Variants in SMIM24 observed in about 807,000 individuals in gnomAD.
SMIM24 encodes the protein MAP17-related dimer.
SMIM24 carries 6 observed loss-of-function variants against 10.8 expected under a neutral mutation model. That is an observed-to-expected ratio of 0.55 (90% CI 0.30 to 1.09). SMIM24 has a LOEUF of 1.09. Among genes scored for constraint, SMIM24 ranks in the 50% least tolerant of loss-of-function variants. The pLI is 0.06. For synonymous variants in SMIM24, 71 were observed against 62.4 expected, an observed-to-expected ratio of 1.14 and a Z score of -0.65; for missense variants, 151 against 153.4, an observed-to-expected ratio of 0.98 and a Z score of 0.08.
At position 3,480,466 on chromosome 19, in the gene SMIM24, C is replaced by G; in HGVS notation, c.-3G>C. 6.5e-7 allele frequency: 1 copy of G among 1,548,518 alleles called. No homozygotes were observed. Among genetic ancestry groups the G allele is most frequent in the East Asian group, 2.5e-5 (1 of 40,810 alleles). Reference sequence around the variant, plus strand: ...AGAAGGGCCCCCAGGGTCTCCATGACGGTCGAGTGAGCCAGCAGCCAGCCA... The same window carrying G: ...AGAAGGGCCCCCAGGGTCTCCATGAGGGTCGAGTGAGCCAGCAGCCAGCCA... On this transcript the variant is annotated 5_prime_UTR_variant, in exon 1 of 4. Transcript: ENST00000215531.
intron 3 of SMIM24, among the ~76,000 whole-genome samples, chr19:3,477,075 G>C (rs1476477190): frequency 3.1e-5 from 4 of 127,728 alleles, no homozygotes; most frequent in African/African-American, 1.1e-4. Flanking sequence ...GGGGGTGGGT[G>C]AGTGAATAGA....
rs569854880 is a variant in SMIM24, at chr19:3,479,771, T to C, written c.67+626A>G. Among the ~76,000 whole-genome samples, 8 of 105,932 alleles carry C rather than the reference T, an allele frequency of 7.6e-5. No individual in the cohort carries two copies. The South Asian group carries it at 2.9e-3, about 38-fold the overall frequency. The allele number at this position is 105,932 out of a possible 152,430, so 69.5% of individuals were successfully genotyped here. ...GAGGCAGAGGCTCAGGGGGAGGGGC[T>C]TATAAAGAAGGAGGAGCTCAGAGGG... is the stretch of plus-strand genomic sequence containing the variant. On this transcript the variant is annotated intron_variant, in intron 1 of 3. Transcript: ENST00000215531.
chr19:3,480,200 G>A (rs1338769074), intron 1 of SMIM24, among the ~76,000 whole-genome samples, 197 bp downstream of exon 1: 2 of 151,850 alleles, frequency 1.3e-5, no homozygotes, highest in Non-Finnish European at 2.9e-5. Flanking sequence ...GGGCGGTGGG[G>A]GGTCCCTTAC....
At chr19:3,480,339 T>G in intron 1 of SMIM24, 58 bp downstream of exon 1, 2 of 1,395,112 alleles carry the variant, frequency 1.4e-6, no homozygotes, top group Non-Finnish European at 1.9e-6. Context: ...TGGGAGATGG[T>G]GATCACCTGA....
chr19:3,478,952 G>A (rs969472286), intron 1 of SMIM24, 23 bp from the exon 2 acceptor site: 16 of 1,538,412 alleles, frequency 1.0e-5, no homozygotes, highest in Non-Finnish European at 1.3e-5. Context: ...GGGGAGGTTC[G>A]ACTCAGAGGA....
rs1568216336 is a variant in SMIM24 at position 3,480,493 on chromosome 19, C to CG, written c.-31dup. On this transcript the variant is annotated 5_prime_UTR_variant, in exon 1 of 4. Coordinates refer to ENST00000215531, the MANE Select transcript of SMIM24 (RefSeq NM_001136503.2). ...GTCGAGTGAGCCAGCAGCCAGCCAGCGGCGGTCCCGGGTCGGCGTCCACAG... is the reference window on the plus strand; with the variant it reads ...GTCGAGTGAGCCAGCAGCCAGCCAGCGGGCGGTCCCGGGTCGGCGTCCACAG... 6.5e-7 allele frequency: 1 copy of CG among 1,546,660 alleles called. No individual in the cohort carries two copies. Among genetic ancestry groups the CG allele is most frequent in the Admixed American group, 2.0e-5 (1 of 50,786 alleles).
Position 3,478,844 on chromosome 19 carries a change from G to A in SMIM24, c.153C>T (p.Ala51=), listed in dbSNP as rs2082804393. The part of the protein sequence containing the change: ...FLFIVYLVLL[A]NRLWCSKARA... ...TGGCCTTGGAACACCAGAGGCGGTT[G>A]GCCAGCAAGACCAAATAGACGATGA... The change falls in exon 2 of 4, where the codon GCC becomes GCT. Residue 51 remains alanine, a synonymous_variant. Coordinates refer to ENST00000215531, the MANE Select transcript of SMIM24 (RefSeq NM_001136503.2). 2.6e-6 allele frequency: 4 copies of A among 1,549,616 alleles called. No homozygotes were observed. In the African/African-American group the frequency reaches 4.1e-5, roughly 16 times the overall value.
intron 3 of SMIM24, among the ~76,000 whole-genome samples, chr19:3,476,496 G>C (rs575663295): frequency 1.3e-5 from 2 of 151,764 alleles, no homozygotes; most frequent in East Asian, 3.9e-4. Context: ...GATTGAACAA[G>C]GCAGAAAGGA....
In SMIM24 at chr19:3,478,832, C is replaced by A; in HGVS notation, c.165G>T (p.Trp55Cys). Residue 55 changes from tryptophan to cysteine, a missense_variant, in exon 2 of 4, where the codon TGG (tryptophan) becomes TGT (cysteine). Physicochemically the swap from Trp to Cys is radical, Grantham distance 215 (BLOSUM62 -2). Transcript: ENST00000215531. ...CGGGCACCCACCTGGCCTTGGAACA[C>A]CAGAGGCGGTTGGCCAGCAAGACCA... ...VYLVLLANRL[W>C]CSKARAEDEE... 1 of 1,549,180 alleles carries A rather than the reference C, an allele frequency of 6.5e-7. No individual in the cohort carries two copies. Among genetic ancestry groups the A allele is most frequent in the African/African-American group, 1.4e-5 (1 of 72,940 alleles).
chr19:3,479,241 C>G (rs2082806587), intron 1 of SMIM24, among the ~76,000 whole-genome samples: 1 of 144,348 alleles, frequency 6.9e-6, no homozygotes, highest in African/African-American at 2.6e-5. Context: ...GCTTATAATG[C>G]AGGCAGAGGC....
chr19:3,475,047 A>G, intron 3 of SMIM24, 51 bp from the exon 4 acceptor site: 1 of 1,532,160 alleles, frequency 6.5e-7, no homozygotes, highest in Non-Finnish European at 8.8e-7. Context: ...AGACACTCCT[A>G]TTTAATGGCC....
At chr19:3,478,988 C>T in intron 1 of SMIM24, 59 bp from the exon 2 acceptor site, 1 of 1,344,118 alleles carries the variant, frequency 7.4e-7, no homozygotes, top group Non-Finnish European at 1.0e-6. Flanking sequence ...ACCCCCTTCC[C>T]CCACCACCCT....
chr19:3,476,469 T>C (rs1238251716), intron 3 of SMIM24, among the ~76,000 whole-genome samples: 1 of 151,848 alleles, frequency 6.6e-6, no homozygotes, highest in Non-Finnish European at 1.5e-5. Context: ...AGTGGATGGT[T>C]GGGTGGATGG....
rs560123574 is a variant in SMIM24, at chr19:3,480,381, G to GC, written c.67+15dup. 1.3e-4 allele frequency: 136 copies of GC among 1,059,496 alleles called. No individual in the cohort carries two copies. The South Asian group carries it at 2.0e-3, about 16-fold the overall frequency. The allele number at this position is 1,059,496 out of a possible 1,614,324, so 65.6% of individuals were successfully genotyped here. A position where few individuals can be genotyped will look rare whatever the true frequency, so the allele number is the denominator to read the frequency against. On this transcript the variant is annotated intron_variant, in intron 1 of 3. Coordinates refer to ENST00000215531, the MANE Select transcript of SMIM24 (RefSeq NM_001136503.2). ...CCCCTATCCCGCGACGCCCCCTCCC[G>GC]CCCCCCTGCACCTACCCTGCTGGGC...
intron 1 of SMIM24, among the ~76,000 whole-genome samples, chr19:3,480,069 G>C (rs954538418): frequency 6.6e-6 from 1 of 151,474 alleles, no homozygotes; most frequent in Admixed American, 6.6e-5. Flanking sequence ...TCACAAAAGA[G>C]GCGGGGACTC....
At chr19:3,476,036 T>C (rs750004760) in intron 3 of SMIM24, among the ~76,000 whole-genome samples, 1 of 151,730 alleles carries the variant, frequency 6.6e-6, no homozygotes, top group Non-Finnish European at 1.5e-5. Context: ...GATGGGGGTA[T>C]GCAGAATGGA....
In SMIM24 at chr19:3,474,762, G is replaced by A; in HGVS notation, c.*81C>T. The A allele has an allele frequency of 1.4e-6, 2 of 1,471,356 alleles. No individual in the cohort carries two copies. The highest frequency in any genetic ancestry group is 2.5e-5 in the East Asian group (1 of 40,356). The allele number at this position is 1,471,356 out of a possible 1,614,324, so 91.1% of individuals were successfully genotyped here. The stretch of plus-strand genomic sequence containing the variant: ...GAATCCCAGATGGAGTCATTTCACG[G>A]GCTTCAAGTCCAGGGCACTGCTTTT... On this transcript the variant is annotated 3_prime_UTR_variant, in exon 4 of 4. Coordinates refer to ENST00000215531, the MANE Select transcript of SMIM24 (RefSeq NM_001136503.2).
At chr19:3,476,409 G>A (rs895537589) in intron 3 of SMIM24, among the ~76,000 whole-genome samples, 1 of 151,906 alleles carries the variant, frequency 6.6e-6, no homozygotes, top group Non-Finnish European at 1.5e-5. Context: ...CTGATGGATG[G>A]GTGGTTGGAG....
Position 3,474,837 on chromosome 19 carries a change from G to C in SMIM24, c.*6C>G. Reference sequence around the variant, plus strand: ...GGGACTGCCTGGAAGAGGCAGCCAGGAATCTTCACATGACTGTGCTCTTTG... The same window carrying C: ...GGGACTGCCTGGAAGAGGCAGCCAGCAATCTTCACATGACTGTGCTCTTTG... On this transcript the variant is annotated 3_prime_UTR_variant, in exon 4 of 4. Transcript: ENST00000215531. 6.5e-7 allele frequency: 1 copy of C among 1,550,330 alleles called. No homozygotes were observed. The highest frequency in any genetic ancestry group is 8.7e-7 in the Non-Finnish European group (1 of 1,146,628).
Sources: allele counts gnomAD v4.1 joint callset (sites outside exome capture counted in the v4.1 genomes callset), GRCh38; gene constraint gnomAD v4.1.1; transcripts MANE v1.5; gene names NCBI Gene and HGNC (gene_info 2026-07-23, HGNC 2026-07-21).